Variants in PDE4D observed in about 807,000 individuals in gnomAD.
PDE4D encodes the protein 3',5'-cyclic-AMP phosphodiesterase 4D.
Under a neutral mutation model 87.4 loss-of-function variants are expected in PDE4D, and 24 were observed. The observed-to-expected ratio is 0.27, with a 90% CI of 0.20 to 0.39. The LOEUF is 0.39. Among genes scored for constraint, PDE4D ranks in the 10% least tolerant of loss-of-function variants. PDE4D has a pLI of 1.00. For synonymous variants in PDE4D, 384 were observed against 383.2 expected (o/e 1.00, Z -0.02); for missense variants, 714 against 1,041.0 (o/e 0.69, Z 4.32).
At chr5:59,412,885 G>A (rs190994279) in intron 1 of PDE4D, among the ~76,000 whole-genome samples, 10 of 152,238 alleles carry the variant, frequency 6.6e-5, no homozygotes, top group African/African-American at 2.2e-4. Context: ...TAATTTATCC[G>A]AAGTCTTCTG....
chr5:60,104,773 C>A (rs943740888), intron 2 of PDE4D, among the ~76,000 whole-genome samples: 1 of 152,304 alleles, frequency 6.6e-6, no homozygotes, highest in South Asian at 2.1e-4. Flanking sequence ...GGACCTCTAG[C>A]AAACTCCAAC....
At chr5:59,129,342 A>T (rs1001417935) in intron 5 of PDE4D, among the ~76,000 whole-genome samples, 1 of 152,114 alleles carries the variant, frequency 6.6e-6, no homozygotes, top group African/African-American at 2.4e-5. Context: ...GGGCTCAAGT[A>T]ATCCTCCTGC....
intron 1 of PDE4D, among the ~76,000 whole-genome samples, chr5:59,262,162 A>C (rs1300264221): frequency 4.6e-5 from 7 of 151,888 alleles, no homozygotes. Flanking sequence ...CTAGACCATA[A>C]ATTTTATGAA....
chr5:60,109,065 G>C (rs910366786), intron 2 of PDE4D, among the ~76,000 whole-genome samples: 170 of 151,162 alleles, frequency 1.1e-3, no homozygotes, highest in Middle Eastern at 0.01. Context: ...CCATCAGAGT[G>C]AACAGGCAAC....
chr5:59,838,023 T>C (rs1742396219), intron 1 of PDE4D, among the ~76,000 whole-genome samples: 1 of 152,080 alleles, frequency 6.6e-6, no homozygotes, highest in Non-Finnish European at 1.5e-5. Context: ...TTGTTTATAA[T>C]TTACACACTT....
chr5:60,359,269 A>G (rs545181667), intron 1 of PDE4D, among the ~76,000 whole-genome samples: 1 of 152,140 alleles, frequency 6.6e-6, no homozygotes, highest in African/African-American at 2.4e-5. Flanking sequence ...TTGGCCGGGC[A>G]TGGTGGCACA....
At chr5:60,495,012 C>T (rs1196308631) in intron 1 of PDE4D, among the ~76,000 whole-genome samples, 1 of 152,168 alleles carries the variant, frequency 6.6e-6, no homozygotes, top group Non-Finnish European at 1.5e-5. Context: ...CTGTAAGTCC[C>T]ACCTCCATGG....
intron 1 of PDE4D, among the ~76,000 whole-genome samples, chr5:60,419,022 C>T (rs549663099): frequency 1.3e-5 from 2 of 152,216 alleles, no homozygotes; most frequent in Admixed American, 1.3e-4. Context: ...AGTCAGCATT[C>T]CTCCCATACA....
At chr5:59,033,217 ATTGTTTG>A (rs1757902928) in intron 6 of PDE4D, among the ~76,000 whole-genome samples, 1 of 152,216 alleles carries the variant, frequency 6.6e-6, no homozygotes, top group African/African-American at 2.4e-5. Flanking sequence ...ACGCAGCAGA[ATTGTTTG>A]TTGTTTAAGC....
chr5:59,295,474 T>C (rs1381654876), intron 1 of PDE4D, among the ~76,000 whole-genome samples: 1 of 152,160 alleles, frequency 6.6e-6, no homozygotes, highest in African/African-American at 2.4e-5. Flanking sequence ...TTTAACCTCC[T>C]ACTGTTCTTC....
chr5:59,381,541 A>G (rs904398166), intron 1 of PDE4D, among the ~76,000 whole-genome samples: 1 of 152,156 alleles, frequency 6.6e-6, no homozygotes, highest in Non-Finnish European at 1.5e-5. Flanking sequence ...AATTTAGTTT[A>G]AGTTCATGCT....
At chr5:59,160,889 A>G (rs10035719) in intron 5 of PDE4D, among the ~76,000 whole-genome samples, 70,032 of 151,850 alleles carry the variant, frequency 0.46, 16,480 homozygotes, top group Middle Eastern at 0.53. Context: ...TGAGGTCAGG[A>G]GTTCAAGACC....
intron 5 of PDE4D, among the ~76,000 whole-genome samples, chr5:59,059,674 G>C (rs1762850152): frequency 6.6e-6 from 1 of 152,080 alleles, no homozygotes; most frequent in Admixed American, 6.6e-5. Flanking sequence ...AATTAGTCTA[G>C]CACATTTTAT....
chr5:59,368,408 T>C (rs942269973), intron 1 of PDE4D, among the ~76,000 whole-genome samples: 14 of 152,212 alleles, frequency 9.2e-5, no homozygotes, highest in African/African-American at 3.4e-4. Context: ...AAAACGTTAG[T>C]ATGCTTATGA....
intron 2 of PDE4D, among the ~76,000 whole-genome samples, chr5:60,050,678 C>T (rs890339283): frequency 1.3e-5 from 2 of 152,158 alleles, no homozygotes; most frequent in African/African-American, 4.8e-5. Context: ...CAAATTCACA[C>T]ATAACAATAT....
intron 1 of PDE4D, among the ~76,000 whole-genome samples, chr5:59,822,358 AC>A (rs1769796045): frequency 6.6e-6 from 1 of 152,180 alleles, no homozygotes; most frequent in Non-Finnish European, 1.5e-5. Context: ...TTTTCTATAT[AC>A]TTTTCACAGT....
chr5:59,046,409 AG>A (rs1760681854), intron 5 of PDE4D, among the ~76,000 whole-genome samples: 3 of 148,044 alleles, frequency 2.0e-5, no homozygotes, highest in East Asian at 2.3e-4. Flanking sequence ...AGAGTGAGAG[AG>A]AGAGAGAGAA....
At chr5:60,134,957 A>C (rs1779913709) in intron 2 of PDE4D, among the ~76,000 whole-genome samples, 1 of 152,196 alleles carries the variant, frequency 6.6e-6, no homozygotes, top group Non-Finnish European at 1.5e-5. Flanking sequence ...GAAGATTAGT[A>C]AACTCTGCTC....
intron 1 of PDE4D, among the ~76,000 whole-genome samples, chr5:59,819,356 A>T (rs181183798): frequency 6.6e-6 from 1 of 152,294 alleles, no homozygotes; most frequent in East Asian, 1.9e-4. Flanking sequence ...AGCTTCTTGC[A>T]TGTTTTCTTC....
Sources: allele counts gnomAD v4.1 joint callset (sites outside exome capture counted in the v4.1 genomes callset), GRCh38; gene constraint gnomAD v4.1.1; transcripts MANE v1.5; gene names NCBI Gene and HGNC (gene_info 2026-07-23, HGNC 2026-07-21).